KCNH8: variants seen among roughly 807,000 people sequenced by gnomAD.
KCNH8 encodes the protein voltage-gated delayed rectifier potassium channel KCNH8.
In KCNH8, 70 loss-of-function variants were observed where a neutral mutation model predicts 103.6. That is an observed-to-expected ratio of 0.68 (90% CI 0.56 to 0.82). KCNH8 has a LOEUF of 0.82. Ranked by LOEUF, KCNH8 falls within the 40% of genes least tolerant of loss-of-function variation. The pLI is 0.00. For missense variants in KCNH8, 1,217 were observed against 1,329.9 expected (o/e 0.92, Z 1.32); for synonymous variants, 498 against 489.4 (o/e 1.02, Z -0.23).
Position 19,223,786 on chromosome 3 carries a change from A to G in KCNH8, c.77-29868A>G, listed in dbSNP as rs962101543. 2.0e-5 allele frequency among the ~76,000 whole-genome samples: 3 copies of G among 152,032 alleles called. No homozygotes were observed. In the East Asian group the frequency reaches 5.8e-4, roughly 29 times the overall value. On this transcript the variant is annotated intron_variant, in intron 1 of 15. Transcript: ENST00000328405. Reference sequence around the variant, plus strand: ...TCCTCAATGCTTTATCATTGACACCACTTGCCATTTTCTTCTATTTTGGGG... The same window carrying G: ...TCCTCAATGCTTTATCATTGACACCGCTTGCCATTTTCTTCTATTTTGGGG...
intron 11 of KCNH8, among the ~76,000 whole-genome samples, chr3:19,481,953 T>C (rs2068094476): frequency 6.6e-6 from 1 of 152,122 alleles, no homozygotes; most frequent in African/African-American, 2.4e-5. Context: ...AGACAACAAT[T>C]TGTAGAAGGA....
At chr3:19,436,569 T>C (rs139295814) in intron 7 of KCNH8, among the ~76,000 whole-genome samples, 51 of 152,336 alleles carry the variant, frequency 3.3e-4, no homozygotes, top group Non-Finnish European at 6.5e-4. Context: ...TTGCTTCTGC[T>C]TCATCAGCTG....
chr3:19,316,543 C>T lies in KCNH8; in HGVS notation c.443-26044C>T, dbSNP rs371714675. 9.2e-5 allele frequency among the ~76,000 whole-genome samples: 14 copies of T among 152,040 alleles called. No homozygotes were observed. The East Asian group carries it at 1.5e-3, about 17-fold the overall frequency. On this transcript the variant is annotated intron_variant, in intron 3 of 15. Transcript: ENST00000328405. ...TTGAGTGGTGCATTATTACTCAAGA[C>T]TTTCTAAGGAAACCTAACATTTAGA...
intron 3 of KCNH8, among the ~76,000 whole-genome samples, chr3:19,281,747 A>G (rs1044292160): frequency 6.6e-6 from 1 of 152,132 alleles, no homozygotes; most frequent in African/African-American, 2.4e-5. Context: ...AGTTATGTAC[A>G]AAGTTAAGAA....
intron 3 of KCNH8, among the ~76,000 whole-genome samples, chr3:19,331,894 A>G (rs1033599265): frequency 6.6e-6 from 1 of 152,168 alleles, no homozygotes; most frequent in Non-Finnish European, 1.5e-5. Context: ...TGATGAAAGT[A>G]ACTGTAAGTC....
intron 11 of KCNH8, among the ~76,000 whole-genome samples, chr3:19,467,300 G>GACACACAC (rs138481664): frequency 0.017 from 2,559 of 148,596 alleles, 21 homozygotes; most frequent in Non-Finnish European, 0.022. Context: ...TGTATAAGTA[G>GACACACAC]ACACACACAC....
chr3:19,525,196 ATTTTT>A (rs2069043400), intron 15 of KCNH8, among the ~76,000 whole-genome samples: 1 of 151,884 alleles, frequency 6.6e-6, no homozygotes, highest in Admixed American at 6.6e-5. Context: ...AATATATATT[ATTTTT>A]GTCAATTTAA....
At chr3:19,171,947 T>C (rs1015925009) in intron 1 of KCNH8, among the ~76,000 whole-genome samples, 2 of 152,198 alleles carry the variant, frequency 1.3e-5, no homozygotes, top group Non-Finnish European at 2.9e-5. Flanking sequence ...GCACTCATTG[T>C]GTGACAATGG....
rs770770570 is a variant in KCNH8, at chr3:19,390,470, T to G, written c.812-11T>G. 148 of 1,598,996 alleles carry G rather than the reference T, an allele frequency of 9.3e-5. No homozygotes were observed. The highest frequency in any genetic ancestry group is 1.2e-4 in the Non-Finnish European group (135 of 1,170,556). On this transcript the variant is annotated splice_polypyrimidine_tract_variant and intron_variant, in intron 5 of 15. Transcript: ENST00000328405. ...TTCCTTTTATTTCTCAACCTTTTTT[T>G]TCCCAAGCAGATATTATTTTAAATT...
intron 5 of KCNH8, among the ~76,000 whole-genome samples, chr3:19,382,635 T>A (rs957377564): frequency 6.6e-6 from 1 of 152,114 alleles, no homozygotes; most frequent in Non-Finnish European, 1.5e-5. Flanking sequence ...GTTCGTCAGT[T>A]TTGAAGCCTA....
intron 11 of KCNH8, among the ~76,000 whole-genome samples, chr3:19,459,869 A>G (rs1403979786): frequency 6.6e-6 from 1 of 152,050 alleles, no homozygotes; most frequent in East Asian, 1.9e-4. Context: ...TATCTTCTAG[A>G]ACATTAATTA....
At chr3:19,501,004 G>C (rs1410360592) in intron 11 of KCNH8, among the ~76,000 whole-genome samples, 2 of 151,482 alleles carry the variant, frequency 1.3e-5, no homozygotes, top group African/African-American at 4.9e-5. Context: ...TTTTTGAAAG[G>C]ATCAACAAAA....
At chr3:19,231,856 A>G (rs2063998512) in intron 1 of KCNH8, among the ~76,000 whole-genome samples, 1 of 152,168 alleles carries the variant, frequency 6.6e-6, no homozygotes, top group African/African-American at 2.4e-5. Context: ...ATTTGCAAAC[A>G]TTTCTTTTCT....
chr3:19,502,045 C>T (rs1575149332), intron 11 of KCNH8, among the ~76,000 whole-genome samples: 1 of 150,870 alleles, frequency 6.6e-6, no homozygotes, highest in Non-Finnish European at 1.5e-5. Flanking sequence ...CCCAAAATCT[C>T]CTTAAGCTGA....
chr3:19,234,340 C>G (rs2064033778), intron 1 of KCNH8, among the ~76,000 whole-genome samples: 1 of 152,182 alleles, frequency 6.6e-6, no homozygotes, highest in South Asian at 2.1e-4. Flanking sequence ...CAGGGGGCGC[C>G]GCTCGTGGGG....
chr3:19,450,300 A>G lies in KCNH8; in HGVS notation c.1570A>G (p.Asn524Asp). 2 of 1,609,790 alleles carry G rather than the reference A, an allele frequency of 1.2e-6. No homozygotes were observed. Among genetic ancestry groups the G allele is most frequent in the East Asian group, 2.2e-5 (1 of 44,850 alleles). The change falls in exon 9 of 16, where the codon AAT becomes GAT. Residue 524 changes from asparagine (N) to aspartate (D), a missense_variant. By Grantham distance (23) the Asn-to-Asp change is conservative. Coordinates refer to ENST00000328405, the MANE Select transcript of KCNH8 (RefSeq NM_144633.3). ...GTCAGTCAACAATGGAATAGATTCA[A>G]ATGAGGTAATGTTCATTTCTCATGT... The part of the protein sequence containing the change: ...TWSVNNGIDS[N>D]ELLKDFPDEL...
chr3:19,251,399 G>T (rs1043070123), intron 1 of KCNH8, among the ~76,000 whole-genome samples: 3 of 152,072 alleles, frequency 2.0e-5, no homozygotes, highest in African/African-American at 4.8e-5. Context: ...TTCAGAGGGG[G>T]AGAGTGGCTG....
intron 1 of KCNH8, among the ~76,000 whole-genome samples, chr3:19,220,773 T>C (rs57425340): frequency 0.11 from 15,889 of 146,666 alleles, 2,752 homozygotes; most frequent in African/African-American, 0.36. Flanking sequence ...ACAATGGCAC[T>C]TTTTTTTTTT....
intron 15 of KCNH8, among the ~76,000 whole-genome samples, chr3:19,518,654 CTT>C (rs2125246219): frequency 6.6e-6 from 1 of 152,050 alleles, no homozygotes; most frequent in East Asian, 1.9e-4. Flanking sequence ...GTTTTAGTAA[CTT>C]TATTGAATCC....
Sources: gnomAD v4.1 joint callset for allele counts (sites outside exome capture counted in the v4.1 genomes callset) on GRCh38, gnomAD v4.1.1 for gene constraint, MANE v1.5 for transcripts, NCBI Gene and HGNC (gene_info 2026-07-23, HGNC 2026-07-21) for gene names.